ARFGEF2: variants seen among roughly 807,000 people sequenced by gnomAD.
ARFGEF2 encodes the protein ARF guanine nucleotide exchange factor 2.
A neutral mutation model predicts 219.9 loss-of-function variants in ARFGEF2; 74 were observed. The ratio of observed to expected loss-of-function variants is 0.34; its 90% CI spans 0.28 to 0.41. The LOEUF is 0.41. ARFGEF2 is among the 10% of genes least tolerant of loss of function. The probability of loss-of-function intolerance (pLI) is 1.00; values close to 1 mark genes in which losing one functional copy is unlikely to be tolerated. For missense variants in ARFGEF2, 1,743 were observed against 2,218.3 expected, an observed-to-expected ratio of 0.79 and a Z score of 4.30; for synonymous variants, 733 against 799.2, an observed-to-expected ratio of 0.92 and a Z score of 1.40.
intron 1 of ARFGEF2, among the ~76,000 whole-genome samples, chr20:48,928,783 T>C (rs6122736): frequency 0.31 from 47,396 of 151,838 alleles, 7,563 homozygotes; most frequent in East Asian, 0.48. Context: ...CGTGAGCCAC[T>C]GCGCCCAGCC....
intron 37 of ARFGEF2, among the ~76,000 whole-genome samples, chr20:49,030,466 C>CAA (rs371546042): frequency 2.0e-4 from 13 of 63,754 alleles, no homozygotes; most frequent in Non-Finnish European, 3.5e-4. Context: ...GAAATCTTAG[C>CAA]AAAAAAAAAA....
At chr20:49,007,767 C>T (rs2123508423) in intron 26 of ARFGEF2, among the ~76,000 whole-genome samples, 1 of 152,038 alleles carries the variant, frequency 6.6e-6, no homozygotes, top group East Asian at 1.9e-4. Flanking sequence ...CAAAATTAAA[C>T]CCAGAGTCTG....
intron 33 of ARFGEF2, among the ~76,000 whole-genome samples, chr20:49,017,823 G>T (rs919187158): frequency 6.6e-6 from 1 of 152,136 alleles, no homozygotes; most frequent in African/African-American, 2.4e-5. Flanking sequence ...TGAAATGAGG[G>T]ATCAGTTAGC....
In ARFGEF2 at chr20:48,952,878, C is replaced by T. The variant is rs1386083198; in HGVS notation, c.597C>T (p.Asn199=). 6.2e-7 allele frequency: 1 copy of T among 1,614,248 alleles called. No individual in the cohort carries two copies. The highest frequency in any genetic ancestry group is 1.7e-5 in the Admixed American group (1 of 60,030). The change falls in exon 5 of 39, where the codon AAC becomes AAT. Residue 199 remains asparagine (N), a synonymous_variant. Coordinates refer to ENST00000371917, the MANE Select transcript of ARFGEF2 (RefSeq NM_006420.3). The part of the protein sequence containing the change: ...MLNVIFTRME[N]QVLQEARELE... The stretch of plus-strand genomic sequence containing the variant: ...ACGTCATTTTCACCCGCATGGAAAA[C>T]CAAGTGGTGAGTGACAGCACTTACG...
chr20:48,971,502 C>A, intron 10 of ARFGEF2, 148 bp downstream of exon 10: 1 of 789,564 alleles, frequency 1.3e-6, no homozygotes, highest in Non-Finnish European at 2.0e-6. Context: ...CATCCTGGAA[C>A]TCAGAAGTGG....
Position 48,979,008 on chromosome 20 carries a change from G to A in ARFGEF2, c.1958+2809G>A, listed in dbSNP as rs369376679. On this transcript the variant is annotated intron_variant, in intron 14 of 38. Transcript: ENST00000371917. ...TGCCCTGGCCAGAACTCCCAACACT[G>A]TGTTGAATGGGAGTGGTGAGAGACA... 9.2e-5 allele frequency among the ~76,000 whole-genome samples: 14 copies of A among 152,220 alleles called. 1 individual carries two copies. Among genetic ancestry groups the A allele is most frequent in the East Asian group, 7.7e-4 (4 of 5,180 alleles).
At position 49,015,512 on chromosome 20, in the gene ARFGEF2, A is replaced by G. The variant is rs543105784; in HGVS notation, c.4180-768A>G. 2.0e-5 allele frequency among the ~76,000 whole-genome samples: 3 copies of G among 152,282 alleles called. No individual in the cohort carries two copies. The South Asian group carries it at 6.2e-4, about 32-fold the overall frequency. On this transcript the variant is annotated intron_variant, in intron 30 of 38. Transcript: ENST00000371917. ...TTAGGTTGCTTTCCGGTTTTTCTGG[A>G]CAGCACTGAAATGAACATTTTTTGC...
intron 34 of ARFGEF2, 56 bp from the exon 35 acceptor site, chr20:49,022,995 A>G: frequency 5.6e-6 from 9 of 1,610,402 alleles, no homozygotes; most frequent in South Asian, 2.2e-5. Flanking sequence ...CTCAGTGGAT[A>G]TTTCTTCAGT....
At chr20:48,948,736 C>A (rs2091045895) in intron 3 of ARFGEF2, among the ~76,000 whole-genome samples, 1 of 152,190 alleles carries the variant, frequency 6.6e-6, no homozygotes, top group African/African-American at 2.4e-5. Context: ...CATCATCTTC[C>A]CCTCCATGGC....
In ARFGEF2 at chr20:49,005,289, A is replaced by G. The variant is rs145115977; in HGVS notation, c.3584+68A>G. 5.1e-3 allele frequency: 8,089 copies of G among 1,585,838 alleles called. 24 individuals carry two copies. Among genetic ancestry groups the G allele is most frequent in the Non-Finnish European group, 6.5e-3 (7,510 of 1,158,200 alleles). ...TGGGGCTCCCAGAAGCCCTCCTAACACTAACCACATGATTAATTTTTTTCC... is the reference window on the plus strand; with the variant it reads ...TGGGGCTCCCAGAAGCCCTCCTAACGCTAACCACATGATTAATTTTTTTCC... On this transcript the variant is annotated intron_variant, in intron 26 of 38. Transcript: ENST00000371917.
Position 48,952,706 on chromosome 20 carries a change from C to T in ARFGEF2, c.425C>T (p.Ala142Val). ...GAAGGTCGCGGATTTCTATTTTAGG[C>T]TCTTCTGACTGCAGTGACTTCCCCA... Reference protein sequence around the residue: ...DEGVQLQIIKALLTAVTSPHI... With the variant: ...DEGVQLQIIKVLLTAVTSPHI... Residue 142 changes from alanine (A) to valine (V), a missense_variant and splice_region_variant, in exon 5 of 39, where the codon GCT (alanine) becomes GTT (valine). Around this residue, in one of 5 missense-constraint regions of ARFGEF2, gnomAD observed 394 missense variants for 426.6 expected, o/e 0.92. Transcript: ENST00000371917. 6.2e-7 allele frequency: 1 copy of T among 1,614,190 alleles called. No homozygotes were observed. The highest frequency in any genetic ancestry group is 8.5e-7 in the Non-Finnish European group (1 of 1,180,016).
At chr20:49,031,573 C>T in intron 37 of ARFGEF2, among the ~76,000 whole-genome samples, 1 of 152,150 alleles carries the variant, frequency 6.6e-6, no homozygotes. Flanking sequence ...AACTAAGGCT[C>T]AGTGATTTGC....
rs2091337754 is a variant in ARFGEF2, at chr20:48,988,285, C to T, written c.2277-19C>T. On this transcript the variant is annotated intron_variant, in intron 16 of 38. Coordinates refer to ENST00000371917, the MANE Select transcript of ARFGEF2 (RefSeq NM_006420.3). Reference sequence around the variant, plus strand: ...ACCGCATCACCATGAATATTGATGTCTCGAATTTTTTTCTCCAGGCAAACT... The same window carrying T: ...ACCGCATCACCATGAATATTGATGTTTCGAATTTTTTTCTCCAGGCAAACT... 1 of 1,600,236 alleles carries T rather than the reference C, an allele frequency of 6.2e-7. No homozygotes were observed. Among genetic ancestry groups the T allele is most frequent in the African/African-American group, 1.3e-5 (1 of 74,626 alleles).
intron 1 of ARFGEF2, 43 bp from the exon 2 acceptor site, chr20:48,941,156 A>G: frequency 2.5e-6 from 4 of 1,584,800 alleles, no homozygotes; most frequent in East Asian, 2.2e-5. Context: ...CTTTACATAA[A>G]TGTTGCATTT....
At chr20:48,989,776 A>T in intron 20 of ARFGEF2, 92 bp downstream of exon 20, 1 of 1,575,528 alleles carries the variant, frequency 6.3e-7, no homozygotes, top group Non-Finnish European at 8.7e-7. Flanking sequence ...ATTTTCAGTT[A>T]ATCAAGACTC....
chr20:48,946,521 A>G (rs932727917), intron 3 of ARFGEF2, among the ~76,000 whole-genome samples: 6 of 150,508 alleles, frequency 4.0e-5, no homozygotes, highest in African/African-American at 1.5e-4. Context: ...TTTTTAGAGA[A>G]AGATAGGTAT....
At position 48,987,196 on chromosome 20, in the gene ARFGEF2, G is replaced by A. The variant is rs371651327; in HGVS notation, c.2277-1108G>A. ...TAATTAGATGCTGTTTACTTTAAAC[G>A]TATCTCCTATGTGGACCTGGGAGCC... On this transcript the variant is annotated intron_variant, in intron 16 of 38. Transcript: ENST00000371917. 4.6e-5 allele frequency among the ~76,000 whole-genome samples: 7 copies of A among 152,306 alleles called. No homozygotes were observed. In the East Asian group the frequency reaches 5.8e-4, roughly 13 times the overall value.
intron 14 of ARFGEF2, among the ~76,000 whole-genome samples, chr20:48,976,971 A>G (rs2091266204): frequency 6.8e-6 from 1 of 148,026 alleles, no homozygotes; most frequent in Admixed American, 6.7e-5. Flanking sequence ...ATTTTATTTT[A>G]TTTTATTTTA....
intron 7 of ARFGEF2, 135 bp downstream of exon 7, chr20:48,964,033 A>G (rs186240834): frequency 1.0e-4 from 81 of 782,730 alleles, no homozygotes; most frequent in Admixed American, 9.2e-4. Context: ...GAATCTTCCC[A>G]CGTCTGCCCA....
Sources: allele counts gnomAD v4.1 joint callset (sites outside exome capture counted in the v4.1 genomes callset), GRCh38; gene constraint gnomAD v4.1.1; regional missense constraint gnomAD v4.1.1; transcripts MANE v1.5; gene names NCBI Gene and HGNC (gene_info 2026-07-23, HGNC 2026-07-21).